IRAK2: variants seen among roughly 807,000 people sequenced by gnomAD.
IRAK2 encodes interleukin 1 receptor associated kinase 2, also known as interleukin-1 receptor-associated kinase-like 2.
Under a neutral mutation model 72.0 loss-of-function variants are expected in IRAK2, and 57 were observed. That is an observed-to-expected ratio of 0.79 (90% CI 0.64 to 0.99). The LOEUF (loss-of-function observed/expected upper bound fraction) is 0.99. IRAK2 is among the 50% of genes least tolerant of loss of function. The probability of loss-of-function intolerance (pLI) is 0.00; values close to 1 mark genes in which losing one functional copy is unlikely to be tolerated. For missense variants in IRAK2, 790 were observed against 794.4 expected, an observed-to-expected ratio of 0.99 and a Z score of 0.07; for synonymous variants, 293 against 312.7, an observed-to-expected ratio of 0.94 and a Z score of 0.67.
intron 2 of IRAK2, among the ~76,000 whole-genome samples, chr3:10,198,034 C>CT (rs371662575): frequency 1.2e-4 from 18 of 151,562 alleles, no homozygotes; most frequent in African/African-American, 4.4e-4. Context: ...CCTGTCTCTA[C>CT]TAAAAATAGA....
At chr3:10,195,281 G>A (rs1697245590) in intron 2 of IRAK2, among the ~76,000 whole-genome samples, 1 of 152,216 alleles carries the variant, frequency 6.6e-6, no homozygotes, top group Non-Finnish European at 1.5e-5. Context: ...ACTGGACTGG[G>A]AGCAGTGGCT....
At position 10,238,961 on chromosome 3, in the gene IRAK2, G is replaced by T. The variant is rs766252190; in HGVS notation, c.1687G>T (p.Gly563Ter). 3.7e-6 allele frequency: 6 copies of T among 1,614,144 alleles called. No individual in the cohort carries two copies. Among genetic ancestry groups the T allele is most frequent in the Non-Finnish European group, 5.1e-6 (6 of 1,180,004 alleles). Residue 563 changes from glycine to a stop codon, truncating the protein, a stop_gained, in exon 12 of 13, where the codon GGA becomes TGA. Transcript: ENST00000256458. LOFTEE classifies it high-confidence loss of function. ...ACTTCTCCCCACAGAGAATGGGGAAGGAAGGCTGCGGGTCATCGTGGGAAG... is the reference window on the plus strand; with the variant it reads ...ACTTCTCCCCACAGAGAATGGGGAATGAAGGCTGCGGGTCATCGTGGGAAG... Reference protein sequence around the residue: ...TPLLPTENGEGRLRVIVGREA... With the variant: ...TPLLPTENGE
intron 11 of IRAK2, 63 bp from the exon 12 acceptor site, chr3:10,238,685 A>C: frequency 6.6e-7 from 1 of 1,509,446 alleles, no homozygotes; most frequent in South Asian, 1.2e-5. Context: ...GGGAGGCCAG[A>C]TGTTAGCATT....
At chr3:10,198,402 C>T (rs977831743) in intron 2 of IRAK2, among the ~76,000 whole-genome samples, 13 of 152,146 alleles carry the variant, frequency 8.5e-5, no homozygotes, top group South Asian at 4.1e-4. Flanking sequence ...GGGATTGGGG[C>T]GTCTGCCCCT....
intron 11 of IRAK2, among the ~76,000 whole-genome samples, chr3:10,238,530 A>G (rs1195518718): frequency 6.6e-6 from 1 of 152,088 alleles, no homozygotes; most frequent in Admixed American, 6.6e-5. Context: ...GGGTACTATG[A>G]TCTGCCCATG....
At chr3:10,241,164 C>T (rs955684960) in intron 12 of IRAK2, among the ~76,000 whole-genome samples, 6 of 151,664 alleles carry the variant, frequency 4.0e-5, no homozygotes, top group Non-Finnish European at 8.8e-5. Flanking sequence ...AATCCTAGTA[C>T]TTCGGGAGGA....
intron 1 of IRAK2, among the ~76,000 whole-genome samples, chr3:10,173,114 A>G (rs1696822998): frequency 6.6e-6 from 1 of 152,146 alleles, no homozygotes; most frequent in Non-Finnish European, 1.5e-5. Flanking sequence ...CCTTGCAACA[A>G]TCTCGGAGGC....
intron 2 of IRAK2, among the ~76,000 whole-genome samples, chr3:10,187,090 G>A (rs1697088289): frequency 6.6e-6 from 1 of 151,072 alleles, no homozygotes; most frequent in African/African-American, 2.5e-5. Context: ...TGCTCAAGAA[G>A]TTTTGGATGT....
At chr3:10,210,172 C>T (rs372385783) in intron 4 of IRAK2, among the ~76,000 whole-genome samples, 74 of 152,284 alleles carry the variant, frequency 4.9e-4, no homozygotes, top group African/African-American at 1.7e-3. Flanking sequence ...CCACCTGCCT[C>T]CGCCTCCCAA....
chr3:10,198,221 AAAACG>A (rs1383941945), intron 2 of IRAK2, among the ~76,000 whole-genome samples: 23 of 152,332 alleles, frequency 1.5e-4, no homozygotes, highest in South Asian at 2.1e-4. Flanking sequence ...AAAACAAAAC[AAAACG>A]AAAATTTATT....
intron 8 of IRAK2, among the ~76,000 whole-genome samples, chr3:10,221,248 AT>A (rs34742796): frequency 0.04 from 3,587 of 89,522 alleles, 94 homozygotes; most frequent in African/African-American, 0.15. Context: ...AAAAAAAAAA[AT>A]TTTTTTTTTT....
Position 10,166,802 on chromosome 3 carries a change from G to A in IRAK2, c.94+1754G>A, listed in dbSNP as rs61544574. 8.3e-3 allele frequency among the ~76,000 whole-genome samples: 1,267 copies of A among 152,190 alleles called. 15 individuals are homozygous for A. Among genetic ancestry groups the A allele is most frequent in the African/African-American group, 0.029 (1,188 of 41,528 alleles). ...TGGGATTACAGGCATGTGCCACCAC[G>A]CCCACTAATTTTTATGTTTTTAGTA... is the stretch of plus-strand genomic sequence containing the variant. On this transcript the variant is annotated intron_variant, in intron 1 of 12. Coordinates refer to ENST00000256458, the MANE Select transcript of IRAK2 (RefSeq NM_001570.4).
At chr3:10,176,667 C>T (rs565526788) in intron 1 of IRAK2, among the ~76,000 whole-genome samples, 142 of 148,236 alleles carry the variant, frequency 9.6e-4, no homozygotes, top group African/African-American at 2.7e-3. Flanking sequence ...TTAGTAGAGA[C>T]GAGGTTTCAC....
At chr3:10,211,866 A>T (rs1697527046) in intron 4 of IRAK2, among the ~76,000 whole-genome samples, 1 of 152,118 alleles carries the variant, frequency 6.6e-6, no homozygotes, top group Non-Finnish European at 1.5e-5. Context: ...TCACGAGGTC[A>T]GGAGATGGAG....
At chr3:10,210,919 G>A (rs1212218622) in intron 4 of IRAK2, among the ~76,000 whole-genome samples, 1 of 152,006 alleles carries the variant, frequency 6.6e-6, no homozygotes, top group East Asian at 1.9e-4. Context: ...GAGTGCAGTG[G>A]CACGATCTTG....
chr3:10,209,337 A>T (rs1031865289), intron 3 of IRAK2, among the ~76,000 whole-genome samples: 2 of 151,918 alleles, frequency 1.3e-5, no homozygotes, highest in Admixed American at 1.3e-4. Context: ...CACTGCGTCT[A>T]CCTCCGGTGT....
At position 10,200,416 on chromosome 3, in the gene IRAK2, T is replaced by G; in HGVS notation, c.325T>G (p.Ser109Ala). The change falls in exon 3 of 13, where the codon TCT (serine) becomes GCT (alanine). Residue 109 changes from serine (S) to alanine (A), a missense_variant. Ser to Ala is a moderately conservative substitution (Grantham distance 99, BLOSUM62 1). Transcript: ENST00000256458. The part of the protein sequence containing the change: ...IRCPIPAFPD[S>A]VKPEKPLAAS... ...GTGTCCCATTCCAGCCTTCCCTGAC[T>G]CTGTGAAGCCAGAAAAGCCTTTGGC... The G allele has an allele frequency of 6.2e-7, 1 of 1,607,240 alleles. No individual in the cohort carries two copies. Among genetic ancestry groups the G allele is most frequent in the East Asian group, 2.2e-5 (1 of 44,654 alleles).
intron 1 of IRAK2, among the ~76,000 whole-genome samples, chr3:10,171,429 C>A (rs1277864426): frequency 6.6e-6 from 1 of 152,070 alleles, no homozygotes; most frequent in Non-Finnish European, 1.5e-5. Context: ...TCATCCCCCA[C>A]CCAGGGAGGG....
chr3:10,216,901 A>G (rs760681037), intron 6 of IRAK2, 33 bp from the exon 7 acceptor site: 1 of 1,502,928 alleles, frequency 6.7e-7, no homozygotes, highest in Admixed American at 1.7e-5. Flanking sequence ...TTTCCGTCTG[A>G]CTCCTCACAC....
Sources: allele counts gnomAD v4.1 joint callset (sites outside exome capture counted in the v4.1 genomes callset), GRCh38; gene constraint gnomAD v4.1.1; transcripts MANE v1.5; gene names NCBI Gene and HGNC (gene_info 2026-07-23, HGNC 2026-07-21).